ADARB2: variants seen among roughly 807,000 people sequenced by gnomAD.
ADARB2 encodes the protein inactive double-stranded RNA-specific editase B2.
In ADARB2, 25 loss-of-function variants were observed where a neutral mutation model predicts 62.2. The ratio of observed to expected loss-of-function variants is 0.40; its 90% CI spans 0.29 to 0.56. The LOEUF is 0.56. ADARB2 is among the 20% of genes least tolerant of loss of function. ADARB2 has a pLI of 0.43. For synonymous variants in ADARB2, 572 were observed against 500.8 expected (o/e 1.14, Z -1.90); for missense variants, 1,071 against 1,077.4 (o/e 0.99, Z 0.08).
chr10:1,574,394 G>A (rs1163456728), intron 1 of ADARB2, among the ~76,000 whole-genome samples: 5 of 152,204 alleles, frequency 3.3e-5, no homozygotes, highest in African/African-American at 4.8e-5. Context: ...AAAGAGAATT[G>A]GGCAGACGAC....
rs79308035 is a variant in ADARB2, at chr10:1,492,354, C to T, written c.101-113194G>A. Among the ~76,000 whole-genome samples, 1,190 of 152,100 alleles carry T rather than the reference C, an allele frequency of 7.8e-3. 7 individuals are homozygous for T. Among genetic ancestry groups the T allele is most frequent in the Non-Finnish European group, 0.012 (800 of 67,984 alleles). ...GGGTCCTAGCTCGTTAAGAGGAGAC[C>T]CCACTGCGGTAGAGTGGGTCCATGG... is the stretch of plus-strand genomic sequence containing the variant. On this transcript the variant is annotated intron_variant, in intron 1 of 9. Transcript: ENST00000381312.
intron 1 of ADARB2, among the ~76,000 whole-genome samples, chr10:1,695,834 ATG>A (rs566272273): frequency 5.8e-4 from 86 of 148,892 alleles, no homozygotes; most frequent in African/African-American, 1.7e-3. Flanking sequence ...GAGTGCATGC[ATG>A]TGTGTGTACA....
chr10:1,653,284 G>A (rs1051593411), intron 1 of ADARB2, among the ~76,000 whole-genome samples: 1 of 152,180 alleles, frequency 6.6e-6, no homozygotes, highest in Non-Finnish European at 1.5e-5. Context: ...AAGGACTTGG[G>A]GAGACAGCAT....
intron 1 of ADARB2, among the ~76,000 whole-genome samples, chr10:1,502,223 C>T (rs116371513): frequency 8.7e-4 from 132 of 152,330 alleles, no homozygotes; most frequent in African/African-American, 3.0e-3. Flanking sequence ...CACCTGCTGC[C>T]CCCAGCGGGG....
Position 1,360,681 on chromosome 10 carries a change from G to A in ADARB2, c.1077+2347C>T, listed in dbSNP as rs564772848. Among the ~76,000 whole-genome samples the A allele has an allele frequency of 2.6e-5, 4 of 152,334 alleles. No homozygotes were observed. The South Asian group carries it at 8.3e-4, about 32-fold the overall frequency. On this transcript the variant is annotated intron_variant, in intron 3 of 9. Coordinates refer to ENST00000381312, the MANE Select transcript of ADARB2 (RefSeq NM_018702.4). The stretch of plus-strand genomic sequence containing the variant: ...GGAGCGGTACGAGGGAGGGTAAAAT[G>A]GGCCCCTTGGACGCCGCGTGCAGAG...
At chr10:1,643,398 A>G (rs1047027050) in intron 1 of ADARB2, among the ~76,000 whole-genome samples, 3 of 152,218 alleles carry the variant, frequency 2.0e-5, no homozygotes, top group African/African-American at 7.2e-5. Flanking sequence ...GGCAACTTCC[A>G]GTTACACTTG....
In ADARB2 at chr10:1,363,124, G is replaced by A. The variant is rs778291217; in HGVS notation, c.981C>T (p.Ala327=). 6.5e-7 allele frequency: 1 copy of A among 1,545,618 alleles called. No homozygotes were observed. Among genetic ancestry groups the A allele is most frequent in the South Asian group, 1.2e-5 (1 of 85,224 alleles). Residue 327 remains alanine (A), a synonymous_variant, in exon 3 of 10, where the codon GCC becomes GCT. Transcript: ENST00000381312. ...GTGCGGCCTGCGCGGCCTGACCCCG[G>A]GCCAGCTTCTTGCTGCGCCCCGAGC... ...FEGSGRSKKL[A]RGQAAQAALQ...
At chr10:1,647,025 G>GTCCT (rs1834051579) in intron 1 of ADARB2, among the ~76,000 whole-genome samples, 1 of 152,236 alleles carries the variant, frequency 6.6e-6, no homozygotes, top group Non-Finnish European at 1.5e-5. Flanking sequence ...GGAGAAAACT[G>GTCCT]TGTGCCGTGT....
chr10:1,638,029 T>C (rs890573720), intron 1 of ADARB2, among the ~76,000 whole-genome samples: 3 of 152,212 alleles, frequency 2.0e-5, no homozygotes, highest in Non-Finnish European at 4.4e-5. Context: ...CTTGGGTGGC[T>C]GGGAGGAGAT....
intron 3 of ADARB2, among the ~76,000 whole-genome samples, chr10:1,280,302 G>A (rs1831358527): frequency 6.6e-6 from 1 of 152,264 alleles, no homozygotes; most frequent in East Asian, 1.9e-4. Context: ...TCACCTGAGC[G>A]GCTCCCTTTC....
chr10:1,493,870 C>T (rs934972534), intron 1 of ADARB2, among the ~76,000 whole-genome samples: 21 of 150,328 alleles, frequency 1.4e-4, no homozygotes, highest in African/African-American at 3.2e-4. Context: ...GCGGTTCTCC[C>T]GCCTCAGCCT....
At chr10:1,439,860 C>T (rs1011229186) in intron 1 of ADARB2, among the ~76,000 whole-genome samples, 5 of 144,538 alleles carry the variant, frequency 3.5e-5, no homozygotes, top group South Asian at 4.4e-4. Flanking sequence ...GCTTCTGAGT[C>T]TCCCCTAGGA....
chr10:1,255,109 G>A lies in ADARB2; in HGVS notation c.1193-12810C>T, dbSNP rs755663038. 1.4e-4 allele frequency among the ~76,000 whole-genome samples: 22 copies of A among 152,228 alleles called. No homozygotes were observed. Among genetic ancestry groups the A allele is most frequent in the Non-Finnish European group, 3.2e-4 (22 of 68,032 alleles). ...AGACTGCCAGTCATGCCGGGGCTCA[G>A]CCCCAGTGAGGGAGCAAGCGGGGCC... On this transcript the variant is annotated intron_variant, in intron 4 of 9. Coordinates refer to ENST00000381312, the MANE Select transcript of ADARB2 (RefSeq NM_018702.4). The surrounding 1 kb of genome is among the most constrained non-coding windows in gnomAD (Gnocchi z 4.7).
intron 1 of ADARB2, among the ~76,000 whole-genome samples, chr10:1,419,329 C>T (rs1026278761): frequency 6.6e-6 from 1 of 152,164 alleles, no homozygotes; most frequent in Non-Finnish European, 1.5e-5. Context: ...CTCCTGACCT[C>T]ATTTTATTGA....
At chr10:1,419,485 C>T (rs1832835050) in intron 1 of ADARB2, among the ~76,000 whole-genome samples, 1 of 152,202 alleles carries the variant, frequency 6.6e-6, no homozygotes, top group Non-Finnish European at 1.5e-5. Flanking sequence ...TATCTTGGCT[C>T]ATGCATATGC....
chr10:1,662,811 C>T (rs868732222), intron 1 of ADARB2, among the ~76,000 whole-genome samples: 3 of 152,164 alleles, frequency 2.0e-5, no homozygotes, highest in South Asian at 2.1e-4. Flanking sequence ...GAAGTTGGGG[C>T]GACGTCTCCC....
chr10:1,672,000 G>C (rs1426030789), intron 1 of ADARB2, among the ~76,000 whole-genome samples: 1 of 151,352 alleles, frequency 6.6e-6, no homozygotes, highest in Non-Finnish European at 1.5e-5. Flanking sequence ...GGGGGGCGGA[G>C]GGGCAGAGCC....
intron 1 of ADARB2, among the ~76,000 whole-genome samples, chr10:1,481,223 C>G (rs115461421): frequency 6.6e-6 from 1 of 152,302 alleles, no homozygotes; most frequent in African/African-American, 2.4e-5. Flanking sequence ...AAAGGATAGT[C>G]TTTTCAACAA....
chr10:1,201,038 T>G (rs1400586159), intron 7 of ADARB2, among the ~76,000 whole-genome samples: 2 of 152,250 alleles, frequency 1.3e-5, no homozygotes, highest in Non-Finnish European at 2.9e-5. Context: ...TTTCCATTAA[T>G]TACCGAATCT....
Sources: gnomAD v4.1 joint callset for allele counts (sites outside exome capture counted in the v4.1 genomes callset) on GRCh38, gnomAD v4.1.1 for gene constraint, Gnocchi (gnomAD v3.1) non-coding constraint, MANE v1.5 for transcripts, NCBI Gene and HGNC (gene_info 2026-07-23, HGNC 2026-07-21) for gene names.